KCNT2: variants seen among roughly 807,000 people sequenced by gnomAD.
KCNT2 encodes the protein potassium sodium-activated channel subfamily T member 2, also known as potassium channel subfamily T member 2.
Under a neutral mutation model 153.8 loss-of-function variants are expected in KCNT2, and 67 were observed. The ratio of observed to expected loss-of-function variants is 0.44; its 90% CI spans 0.36 to 0.53. The LOEUF (loss-of-function observed/expected upper bound fraction) is 0.53, where lower values mean the gene tolerates loss of function less well. KCNT2 is among the 20% of genes least tolerant of loss of function. The probability of loss-of-function intolerance (pLI) is 0.00; values close to 1 mark genes in which losing one functional copy is unlikely to be tolerated. For synonymous variants in KCNT2, 500 were observed against 458.8 expected (o/e 1.09, Z -1.15); for missense variants, 975 against 1,354.8 (o/e 0.72, Z 4.40).
Position 196,467,762 on chromosome 1 carries a change from G to A in KCNT2, c.484C>T (p.Leu162=). Residue 162 remains leucine, a synonymous_variant, in exon 7 of 28, where the codon CTA becomes TTA. Coordinates refer to ENST00000294725, the MANE Select transcript of KCNT2 (RefSeq NM_198503.5). ...ISIFWPSLRN[L]FVPVFLNCWL... ...CAGTTCAGAAAGACTGGGACAAATA[G>A]ATTCCTTAAGGAAGGCCAGAATATC... The A allele has an allele frequency of 6.2e-7, 1 of 1,605,010 alleles. No homozygotes were observed. Among genetic ancestry groups the A allele is most frequent in the Non-Finnish European group, 8.5e-7 (1 of 1,173,950 alleles).
intron 14 of KCNT2, among the ~76,000 whole-genome samples, chr1:196,361,914 AGT>A (rs34545133): frequency 0.023 from 3,503 of 150,600 alleles, 139 homozygotes; most frequent in African/African-American, 0.08. Flanking sequence ...TGTGAGTGTG[AGT>A]GTGTGTGTGT....
At chr1:196,247,216 A>G (rs1655533961) in intron 26 of KCNT2, among the ~76,000 whole-genome samples, 1 of 152,156 alleles carries the variant, frequency 6.6e-6, no homozygotes. Flanking sequence ...TAAGGGGTAA[A>G]TTTAGAAAAA....
chr1:196,287,780 A>G (rs1205626415), intron 22 of KCNT2, among the ~76,000 whole-genome samples: 2 of 152,082 alleles, frequency 1.3e-5, no homozygotes, highest in African/African-American at 4.8e-5. Context: ...GCTCCTATAT[A>G]GAACTAACAG....
chr1:196,505,139 G>T (rs10801544), intron 1 of KCNT2, among the ~76,000 whole-genome samples: 149,663 of 152,210 alleles, frequency 0.98, 73,625 homozygotes, highest in Middle Eastern at 1. Context: ...TTTTGGTGTT[G>T]TAGACATGAA....
chr1:196,230,704 AG>A (rs1653877291), intron 27 of KCNT2, among the ~76,000 whole-genome samples: 1 of 152,036 alleles, frequency 6.6e-6, no homozygotes, highest in South Asian at 2.1e-4. Flanking sequence ...TGGAGCCCAA[AG>A]ATGTGACTCA....
At chr1:196,234,263 C>CT (rs921404515) in intron 27 of KCNT2, among the ~76,000 whole-genome samples, 183 of 147,384 alleles carry the variant, frequency 1.2e-3, no homozygotes, top group African/African-American at 3.2e-3. Flanking sequence ...CATATCATCT[C>CT]TTTTTTTTTT....
At chr1:196,230,349 A>C (rs1653840632) in intron 27 of KCNT2, among the ~76,000 whole-genome samples, 1 of 152,020 alleles carries the variant, frequency 6.6e-6, no homozygotes, top group South Asian at 2.1e-4. Flanking sequence ...AGCATAGTTT[A>C]CTGAAAATGT....
At chr1:196,334,483 C>CTTTTT (rs757677685) in intron 16 of KCNT2, among the ~76,000 whole-genome samples, 4,396 of 41,956 alleles carry the variant, frequency 0.1, 218 homozygotes, top group Non-Finnish European at 0.13. Context: ...TTCTTTCTTT[C>CTTTTT]TTTCTTTTTT....
In KCNT2 at chr1:196,467,774, A is replaced by G. The variant is rs1489803434; in HGVS notation, c.472T>C (p.Ser158Pro). ...ACTGGGACAAATAGATTCCTTAAGGAAGGCCAGAATATCTGGAAAACAAAA... is the reference window on the plus strand; with the variant it reads ...ACTGGGACAAATAGATTCCTTAAGGGAGGCCAGAATATCTGGAAAACAAAA... Reference protein sequence around the residue: ...VPFIISIFWPSLRNLFVPVFL... With the variant: ...VPFIISIFWPPLRNLFVPVFL... The change falls in exon 7 of 28, where the codon TCC becomes CCC. Residue 158 changes from serine to proline, a missense_variant. Around this residue, in one of 6 missense-constraint regions of KCNT2, gnomAD observed 140 missense variants for 216.0 expected, o/e 0.65. Coordinates refer to ENST00000294725, the MANE Select transcript of KCNT2 (RefSeq NM_198503.5). 1.9e-6 allele frequency: 3 copies of G among 1,602,116 alleles called. No individual in the cohort carries two copies. The Admixed American group carries it at 5.0e-5, about 27-fold the overall frequency.
intron 1 of KCNT2, among the ~76,000 whole-genome samples, chr1:196,497,050 C>T (rs1022273687): frequency 1.3e-5 from 2 of 152,204 alleles, no homozygotes; most frequent in African/African-American, 4.8e-5. Context: ...CATTGACTAG[C>T]ACTTTTGGGG....
intron 22 of KCNT2, among the ~76,000 whole-genome samples, chr1:196,302,193 G>A (rs1236619001): frequency 1.3e-5 from 2 of 152,070 alleles, no homozygotes; most frequent in Non-Finnish European, 2.9e-5. Context: ...TATAGAAAAT[G>A]CTACTGATTA....
At chr1:196,492,448 T>C in intron 1 of KCNT2, 107 bp from the exon 2 acceptor site, 3 of 863,976 alleles carry the variant, frequency 3.5e-6, no homozygotes, top group Non-Finnish European at 3.1e-6. Context: ...ACTTAAAGAA[T>C]AATACATTTT....
At chr1:196,583,404 A>T (rs763490865) in intron 1 of KCNT2, among the ~76,000 whole-genome samples, 1 of 152,136 alleles carries the variant, frequency 6.6e-6, no homozygotes. Context: ...TCTGCTGAAC[A>T]TGAAAAGACA....
intron 1 of KCNT2, among the ~76,000 whole-genome samples, chr1:196,497,062 G>T (rs986191573): frequency 4.6e-5 from 7 of 152,142 alleles, no homozygotes; most frequent in Non-Finnish European, 1.0e-4. Flanking sequence ...CTTTTGGGGG[G>T]AAAAAAGTCA....
intron 12 of KCNT2, among the ~76,000 whole-genome samples, chr1:196,399,360 C>T (rs866921050): frequency 6.6e-6 from 1 of 151,684 alleles, no homozygotes; most frequent in East Asian, 2.0e-4. Flanking sequence ...CACAAAGGTG[C>T]TCTAGGGTAG....
intron 1 of KCNT2, among the ~76,000 whole-genome samples, chr1:196,501,975 G>A (rs965303662): frequency 6.6e-6 from 1 of 152,010 alleles, no homozygotes. Flanking sequence ...AAAAACTAGC[G>A]GGGCATGGCG....
At chr1:196,556,105 G>C (rs1489803808) in intron 1 of KCNT2, among the ~76,000 whole-genome samples, 1 of 151,310 alleles carries the variant, frequency 6.6e-6, no homozygotes, top group Admixed American at 6.6e-5. Context: ...AAAATTTCTT[G>C]AGTAATAACC....
At chr1:196,388,755 T>C (rs1407778696) in intron 13 of KCNT2, among the ~76,000 whole-genome samples, 1 of 151,814 alleles carries the variant, frequency 6.6e-6, no homozygotes, top group Non-Finnish European at 1.5e-5. Context: ...TATTCCTAAG[T>C]CATTCATTAG....
chr1:196,370,937 A>T (rs939231945), intron 14 of KCNT2, among the ~76,000 whole-genome samples: 2 of 152,112 alleles, frequency 1.3e-5, no homozygotes, highest in East Asian at 3.9e-4. Flanking sequence ...ACAATGTTCA[A>T]CATTTGGGTG....
Sources: gnomAD v4.1 joint callset for allele counts (sites outside exome capture counted in the v4.1 genomes callset) on GRCh38, gnomAD v4.1.1 for gene constraint, gnomAD v4.1.1 regional missense constraint, MANE v1.5 for transcripts, NCBI Gene and HGNC (gene_info 2026-07-23, HGNC 2026-07-21) for gene names.